LMO3: variants seen among roughly 807,000 people sequenced by gnomAD.
The protein encoded by LMO3 is LIM domain only protein 3.
A neutral mutation model predicts 15.8 loss-of-function variants in LMO3; 2 were observed. The ratio of observed to expected loss-of-function variants is 0.13; its 90% CI spans 0.05 to 0.40. The LOEUF (loss-of-function observed/expected upper bound fraction) is 0.40, where lower values mean the gene tolerates loss of function less well. LMO3 is among the 10% of genes least tolerant of loss of function. The pLI is 0.99. For synonymous variants in LMO3, 62 were observed against 63.8 expected, an observed-to-expected ratio of 0.97 and a Z score of 0.13; for missense variants, 86 against 182.2, an observed-to-expected ratio of 0.47 and a Z score of 3.04.
chr12:16,559,560 A>T lies in LMO3; in HGVS notation c.332+853T>A. Among the ~76,000 whole-genome samples the T allele has an allele frequency of 6.6e-6, 1 of 152,206 alleles. No individual in the cohort carries two copies. Among genetic ancestry groups the T allele is most frequent in the East Asian group, 1.9e-4 (1 of 5,192 alleles). On this transcript the variant is annotated intron_variant, in intron 3 of 3. Coordinates refer to ENST00000537304, the MANE Select transcript of LMO3 (RefSeq NM_018640.5). The surrounding 1 kb of genome is among the most constrained non-coding windows in gnomAD (Gnocchi z 4.1). ...TTTTCAAATGCTCCTCTCCAATGATAATAATTGTTTAATTATTAGCTATAT... is the reference window on the plus strand; with the variant it reads ...TTTTCAAATGCTCCTCTCCAATGATTATAATTGTTTAATTATTAGCTATAT...
chr12:16,600,083 C>T (rs1189203687), intron 2 of LMO3: 1 of 152,220 alleles, frequency 6.6e-6, no homozygotes, highest in African/African-American at 2.4e-5. Flanking sequence ...AGGATTTGCA[C>T]CTGACTTCCT....
intron 2 of LMO3, among the ~76,000 whole-genome samples, chr12:16,561,687 G>A (rs1942411536): frequency 6.6e-6 from 1 of 152,116 alleles, no homozygotes; most frequent in Admixed American, 6.5e-5. Flanking sequence ...TTTTCTTAAG[G>A]CATGCATATT....
Position 16,604,599 on chromosome 12 carries a change from C to A in LMO3, c.-9+1467G>T. On this transcript the variant is annotated intron_variant, in intron 1 of 3. Coordinates refer to ENST00000537304, the MANE Select transcript of LMO3 (RefSeq NM_018640.5). This position sits in a 1 kb window ranked among gnomAD's most constrained non-coding sequence, Gnocchi z 5.3. ...AATAAGAAACATACATACACTCTAA[C>A]AAAGAATCCCTTGCGGAGTTTATGC... The A allele has an allele frequency of 3.9e-6, 2 of 511,214 alleles. No homozygotes were observed. Among genetic ancestry groups the A allele is most frequent in the East Asian group, 3.2e-5 (1 of 30,972 alleles). 31.7% of individuals were successfully genotyped at this position (511,214 alleles called of 1,614,324 possible).
chr12:16,606,002 G>A (rs1184931649), intron 1 of LMO3, 64 bp downstream of exon 1: 10 of 616,300 alleles, frequency 1.6e-5, no homozygotes, highest in Non-Finnish European at 2.6e-5. Context: ...ACACGCACGC[G>A]CGCACCCGCA....
At chr12:16,561,354 G>C (rs565713018) in intron 2 of LMO3, among the ~76,000 whole-genome samples, 16 of 152,224 alleles carry the variant, frequency 1.1e-4, no homozygotes, top group South Asian at 8.3e-4. Flanking sequence ...TGGAGGGGAA[G>C]AATTATTACA....
intron 2 of LMO3, among the ~76,000 whole-genome samples, chr12:16,588,436 A>T (rs996128684): frequency 6.6e-6 from 1 of 152,070 alleles, no homozygotes; most frequent in African/African-American, 2.4e-5. Context: ...AAAATTTTAT[A>T]ATATAATTCT....
rs1942469977 is a variant in LMO3 at position 16,563,325 on chromosome 12, C to G, written c.207-2787G>C. Reference sequence around the variant, plus strand: ...CGAGTTCTCTTTTTTCTCAGTGGGACAAACCCAGGATTCTCTGGGAAAATA... The same window carrying G: ...CGAGTTCTCTTTTTTCTCAGTGGGAGAAACCCAGGATTCTCTGGGAAAATA... On this transcript the variant is annotated intron_variant, in intron 2 of 3. Transcript: ENST00000537304. 2.6e-5 allele frequency among the ~76,000 whole-genome samples: 4 copies of G among 152,230 alleles called. No homozygotes were observed. In the South Asian group the frequency reaches 8.3e-4, roughly 32 times the overall value.
intron 2 of LMO3, among the ~76,000 whole-genome samples, chr12:16,580,433 A>G (rs1423661152): frequency 3.3e-5 from 5 of 152,236 alleles, no homozygotes; most frequent in Admixed American, 3.3e-4. Flanking sequence ...ATGTCATGAA[A>G]ATGACAATGT....
rs1288490839 is a variant in LMO3, at chr12:16,604,264, A to G, written c.-9+1802T>C. Among the ~76,000 whole-genome samples the G allele has an allele frequency of 1.3e-5, 2 of 152,098 alleles. No individual in the cohort carries two copies. Among genetic ancestry groups the G allele is most frequent in the East Asian group, 1.9e-4 (1 of 5,182 alleles). ...ACAGGCTGCAGCCCCCTAAGGGACA[A>G]CAATGCAAATAGATGTCCCCAGATC... On this transcript the variant is annotated intron_variant, in intron 1 of 3. Coordinates refer to ENST00000537304, the MANE Select transcript of LMO3 (RefSeq NM_018640.5). This position sits in a 1 kb window ranked among gnomAD's most constrained non-coding sequence, Gnocchi z 5.3.
rs905116589 is a variant in LMO3 at position 16,560,094 on chromosome 12, A to C, written c.332+319T>G. Among the ~76,000 whole-genome samples, 1 of 152,230 alleles carries C rather than the reference A, an allele frequency of 6.6e-6. No homozygotes were observed. Among genetic ancestry groups the C allele is most frequent in the Non-Finnish European group, 1.5e-5 (1 of 68,034 alleles). The stretch of plus-strand genomic sequence containing the variant: ...TATTTACTCACATAAGTAGTATAAA[A>C]AAGTAGATATTTAAAACTACTTTTA... On this transcript the variant is annotated intron_variant, in intron 3 of 3. Coordinates refer to ENST00000537304, the MANE Select transcript of LMO3 (RefSeq NM_018640.5). This position sits in a 1 kb window ranked among gnomAD's most constrained non-coding sequence, Gnocchi z 5.0.
intron 2 of LMO3, among the ~76,000 whole-genome samples, chr12:16,579,586 G>A (rs1177328088): frequency 6.6e-6 from 1 of 152,174 alleles, no homozygotes; most frequent in African/African-American, 2.4e-5. Flanking sequence ...CCAGGGTAAT[G>A]GCTCTAAGTA....
chr12:16,609,421 T>C (rs1421428414), upstream of LMO3, among the ~76,000 whole-genome samples: 1 of 152,228 alleles, frequency 6.6e-6, no homozygotes, highest in East Asian at 1.9e-4. Flanking sequence ...CTTCATTTCC[T>C]GAGAGTAAAC....
chr12:16,557,526 G>C (rs562826430), intron 3 of LMO3, among the ~76,000 whole-genome samples: 1 of 152,044 alleles, frequency 6.6e-6, no homozygotes, highest in Non-Finnish European at 1.5e-5. Flanking sequence ...TATATACCTT[G>C]TTTAAGTAAT....
chr12:16,570,310 C>G (rs1005997840), intron 2 of LMO3, among the ~76,000 whole-genome samples: 1 of 152,104 alleles, frequency 6.6e-6, no homozygotes, highest in Admixed American at 6.6e-5. Flanking sequence ...TAATTACCTT[C>G]TTTTCTATCT....
intron 2 of LMO3, among the ~76,000 whole-genome samples, chr12:16,568,007 G>A (rs1942676466): frequency 6.6e-6 from 1 of 152,124 alleles, no homozygotes; most frequent in African/African-American, 2.4e-5. Flanking sequence ...GAGGGAGAAA[G>A]AATATTTAAC....
At chr12:16,570,971 C>T (rs1488108239) in intron 2 of LMO3, among the ~76,000 whole-genome samples, 2 of 152,106 alleles carry the variant, frequency 1.3e-5, no homozygotes, top group African/African-American at 4.8e-5. Flanking sequence ...CAGCATGGCA[C>T]ATGTATACAT....
intron 2 of LMO3, among the ~76,000 whole-genome samples, chr12:16,579,812 A>G (rs1023595971): frequency 2.0e-5 from 3 of 152,238 alleles, no homozygotes. Context: ...ATACCAGCTT[A>G]TAAATGTAGA....
At chr12:16,581,545 T>C (rs1011230975) in intron 2 of LMO3, among the ~76,000 whole-genome samples, 5 of 152,176 alleles carry the variant, frequency 3.3e-5, no homozygotes, top group Admixed American at 6.5e-5. Flanking sequence ...CACTACCCAT[T>C]ATAGAGTAAA....
chr12:16,600,643 G>A lies in LMO3; in HGVS notation c.206+12C>T, dbSNP rs759687289. 1.9e-6 allele frequency: 3 copies of A among 1,610,648 alleles called. No homozygotes were observed. Among genetic ancestry groups the A allele is most frequent in the Non-Finnish European group, 2.5e-6 (3 of 1,177,016 alleles). On this transcript the variant is annotated intron_variant, in intron 2 of 3. Coordinates refer to ENST00000537304, the MANE Select transcript of LMO3 (RefSeq NM_018640.5). ...CATCCAGTCATCACTGGTGTGCAAG[G>A]ATAATTCCTACCTCAGATAGTCTCT...
Sources: gnomAD v4.1 joint callset for allele counts (sites outside exome capture counted in the v4.1 genomes callset) on GRCh38, gnomAD v4.1.1 for gene constraint, Gnocchi (gnomAD v3.1) non-coding constraint, MANE v1.5 for transcripts, NCBI Gene and HGNC (gene_info 2026-07-23, HGNC 2026-07-21) for gene names.